The following DNAJC10 variants were observed in gnomAD, a reference collection of about 807,000 sequenced individuals.
DNAJC10 encodes endoplasmic reticulum disulfide reductase DNAJC10.
A neutral mutation model predicts 115.0 loss-of-function variants in DNAJC10; 101 were observed. The ratio of observed to expected loss-of-function variants is 0.88; its 90% confidence interval spans 0.75 to 1.04. DNAJC10 has a LOEUF of 1.04. Among genes scored for constraint, DNAJC10 ranks in the 50% least tolerant of loss-of-function variants. The pLI is 0.00. For missense variants in DNAJC10, 981 were observed against 928.8 expected (o/e 1.06, Z -0.73); for synonymous variants, 307 against 301.5 (o/e 1.02, Z -0.19).
chr2:182,761,740 G>C (rs1694290715), intron 21 of DNAJC10, among the ~76,000 whole-genome samples: 1 of 152,112 alleles, frequency 6.6e-6, no homozygotes, highest in Admixed American at 6.6e-5. Context: ...GCAGGCCAAT[G>C]CGTGGTTAGA....
At chr2:182,728,323 C>T (rs1693344044) in intron 5 of DNAJC10, among the ~76,000 whole-genome samples, 2 of 151,768 alleles carry the variant, frequency 1.3e-5, no homozygotes, top group African/African-American at 2.4e-5. Context: ...CAAGTATGGG[C>T]GTAGGAGAGT....
At chr2:182,764,636 C>CTATG (rs1334081828) in intron 22 of DNAJC10, among the ~76,000 whole-genome samples, 7 of 152,056 alleles carry the variant, frequency 4.6e-5, no homozygotes, top group African/African-American at 1.4e-4. Flanking sequence ...TGATTCTGCT[C>CTATG]TATGTTAGGA....
intron 16 of DNAJC10, chr2:182,752,703 A>G (rs1049945496): frequency 1.7e-5 from 5 of 289,252 alleles, no homozygotes; most frequent in African/African-American, 2.9e-5. Context: ...CACGTATAAA[A>G]TACTTTGGGC....
At position 182,782,831 on chromosome 2, in the gene DNAJC10, G is replaced by GT. The variant is rs1237185120; in HGVS notation, c.*5703dup. The GT allele has an allele frequency of 6.6e-6, 1 of 152,142 alleles. No homozygotes were observed. Among genetic ancestry groups the GT allele is most frequent in the African/African-American group, 2.4e-5 (1 of 41,434 alleles). The allele number at this position is 152,142 out of a possible 1,614,324, so 9.4% of individuals were successfully genotyped here. A position where few individuals can be genotyped will look rare whatever the true frequency, so the allele number is the denominator to read the frequency against. On this transcript the variant is annotated 3_prime_UTR_variant, in exon 24 of 24. Transcript: ENST00000264065. ...GGAGTTTTTGGGCTGAGATGATGGG[G>GT]TTTTCTAAATATACAATTATGTCAT...
intron 11 of DNAJC10, among the ~76,000 whole-genome samples, chr2:182,739,381 A>G (rs887761880): frequency 6.6e-6 from 1 of 151,622 alleles, no homozygotes; most frequent in Non-Finnish European, 1.5e-5. Context: ...TGTGGATTCC[A>G]TGATTGTTCG....
At chr2:182,739,382 T>C (rs1194528791) in intron 11 of DNAJC10, among the ~76,000 whole-genome samples, 1 of 151,684 alleles carries the variant, frequency 6.6e-6, no homozygotes, top group East Asian at 1.9e-4. Flanking sequence ...GTGGATTCCA[T>C]GATTGTTCGT....
Position 182,754,852 on chromosome 2 carries a change from A to G in DNAJC10, c.1552-151A>G, listed in dbSNP as rs762482308. On this transcript the variant is annotated intron_variant, in intron 16 of 23. Coordinates refer to ENST00000264065, the MANE Select transcript of DNAJC10 (RefSeq NM_018981.4). ...TATTCATCACCATAAGTCCTTTGCTAAATTTGGTGAGACTAAAATTTTTGT... is the reference window on the plus strand; with the variant it reads ...TATTCATCACCATAAGTCCTTTGCTGAATTTGGTGAGACTAAAATTTTTGT... The G allele has an allele frequency of 1.1e-4, 148 of 1,364,180 alleles. 1 individual carries two copies. The highest frequency in any genetic ancestry group is 1.4e-4 in the Non-Finnish European group (145 of 1,030,612). 84.5% of individuals were successfully genotyped at this position (1,364,180 alleles called of 1,614,324 possible).
intron 22 of DNAJC10, among the ~76,000 whole-genome samples, chr2:182,770,136 G>A (rs1176807809): frequency 7.2e-5 from 11 of 152,056 alleles, no homozygotes; most frequent in Admixed American, 6.6e-4. Flanking sequence ...GATGTGTGGT[G>A]TTATTTCTGA....
chr2:182,740,369 T>G lies in DNAJC10; in HGVS notation c.1058T>G (p.Leu353Arg). ...CATAATCTTCCAGATTTTGAACTAC[T>G]TTCGGCAAACACACTAGAGGTAATG... Reference protein sequence around the residue: ...VIHNLPDFELLSANTLEDRLA... With the variant: ...VIHNLPDFELRSANTLEDRLA... Residue 353 changes from leucine (L) to arginine (R), a missense_variant, in exon 12 of 24, where the codon CTT becomes CGT. Coordinates refer to ENST00000264065, the MANE Select transcript of DNAJC10 (RefSeq NM_018981.4). 1 of 1,575,120 alleles carries G rather than the reference T, an allele frequency of 6.3e-7. No individual in the cohort carries two copies. The highest frequency in any genetic ancestry group is 8.6e-7 in the Non-Finnish European group (1 of 1,165,016).
intron 23 of DNAJC10, among the ~76,000 whole-genome samples, chr2:182,775,807 C>T (rs1334528302): frequency 6.6e-6 from 1 of 152,154 alleles, no homozygotes; most frequent in East Asian, 1.9e-4. Context: ...ACCTATGCTA[C>T]AACATGTTTG....
chr2:182,751,191 G>A (rs980844066), intron 14 of DNAJC10, among the ~76,000 whole-genome samples: 1 of 129,630 alleles, frequency 7.7e-6, no homozygotes, highest in Non-Finnish European at 1.6e-5. Context: ...CTGGAGTGCA[G>A]TGTCGAGATC....
At position 182,787,495 on chromosome 2, in the gene DNAJC10, CTT is replaced by C. The variant is rs1168576306; in HGVS notation, c.*10365_*10366del. 3 of 152,216 alleles carry C rather than the reference CTT, an allele frequency of 2.0e-5. No individual in the cohort carries two copies. The highest frequency in any genetic ancestry group is 2.9e-5 in the Non-Finnish European group (2 of 68,048). The allele number at this position is 152,216 out of a possible 1,614,324, so 9.4% of individuals were successfully genotyped here. A position where few individuals can be genotyped will look rare whatever the true frequency, so the allele number is the denominator to read the frequency against. Reference sequence around the variant, plus strand: ...CAAAACTGCCTACCAAAGCCACAGACTTTAAGTCTTTGCAGGATTACCACTGA... The same window carrying C: ...CAAAACTGCCTACCAAAGCCACAGACTAAGTCTTTGCAGGATTACCACTGA... On this transcript the variant is annotated 3_prime_UTR_variant, in exon 24 of 24. Coordinates refer to ENST00000264065, the MANE Select transcript of DNAJC10 (RefSeq NM_018981.4).
At chr2:182,765,215 C>T (rs1291484519) in intron 22 of DNAJC10, among the ~76,000 whole-genome samples, 1 of 152,002 alleles carries the variant, frequency 6.6e-6, no homozygotes, top group African/African-American at 2.4e-5. Context: ...ACACACTTAT[C>T]ATGTGCTATT....
In DNAJC10 at chr2:182,728,997, A is replaced by G. The variant is rs112320950; in HGVS notation, c.633+3A>G. ...TCTTCATTTTTCGGTCTGGAATGGTAAGGGATAAAGTTAGCATTTTTTAAA... is the reference window on the plus strand; with the variant it reads ...TCTTCATTTTTCGGTCTGGAATGGTGAGGGATAAAGTTAGCATTTTTTAAA... On this transcript the variant is annotated splice_donor_region_variant and intron_variant, in intron 7 of 23. Coordinates refer to ENST00000264065, the MANE Select transcript of DNAJC10 (RefSeq NM_018981.4). 1 of 1,613,500 alleles carries G rather than the reference A, an allele frequency of 6.2e-7. No individual in the cohort carries two copies. Among genetic ancestry groups the G allele is most frequent in the South Asian group, 1.1e-5 (1 of 90,906 alleles).
intron 22 of DNAJC10, among the ~76,000 whole-genome samples, chr2:182,770,708 C>T (rs1164960505): frequency 6.6e-6 from 1 of 152,132 alleles, no homozygotes; most frequent in African/African-American, 2.4e-5. Context: ...AGATTTTGGG[C>T]TGAGATGATG....
intron 14 of DNAJC10, among the ~76,000 whole-genome samples, chr2:182,747,086 C>G (rs1466765908): frequency 6.6e-6 from 1 of 152,096 alleles, no homozygotes; most frequent in Non-Finnish European, 1.5e-5. Flanking sequence ...TTCCATTGAT[C>G]TATATCTCTG....
intron 10 of DNAJC10, among the ~76,000 whole-genome samples, chr2:182,734,136 A>G (rs554707163): frequency 1.7e-4 from 25 of 147,168 alleles, no homozygotes; most frequent in Non-Finnish European, 3.2e-4. Context: ...CTTAAGCACT[A>G]TATTTCCTTC....
intron 19 of DNAJC10, 122 bp downstream of exon 19, chr2:182,757,947 A>G: frequency 3.4e-6 from 2 of 582,658 alleles, no homozygotes; most frequent in Non-Finnish European, 5.7e-6. Context: ...CCCACTACGT[A>G]AAGATAGTTT....
intron 11 of DNAJC10, among the ~76,000 whole-genome samples, chr2:182,738,250 G>A (rs530575801): frequency 8.8e-4 from 134 of 151,840 alleles, no homozygotes; most frequent in African/African-American, 3.1e-3. Context: ...TCAGTTATCT[G>A]TTTAGAATGG....
Sources: allele counts gnomAD v4.1 joint callset (sites outside exome capture counted in the v4.1 genomes callset), GRCh38; gene constraint gnomAD v4.1.1; transcripts MANE v1.5; gene names NCBI Gene and HGNC (gene_info 2026-07-23, HGNC 2026-07-21).